Variants in MACROD2 observed in about 807,000 individuals in gnomAD.
MACROD2 encodes mono-ADP ribosylhydrolase 2, also known as ADP-ribose glycohydrolase MACROD2.
A neutral mutation model predicts 70.4 loss-of-function variants in MACROD2; 36 were observed. That is an observed-to-expected ratio of 0.51 (90% CI 0.39 to 0.68). The LOEUF (loss-of-function observed/expected upper bound fraction) is 0.68, where lower values mean the gene tolerates loss of function less well. Ranked by LOEUF, MACROD2 falls within the 30% of genes least tolerant of loss-of-function variation. The probability of loss-of-function intolerance (pLI) is 0.00; values close to 1 mark genes in which losing one functional copy is unlikely to be tolerated. For missense variants in MACROD2, 496 were observed against 538.4 expected (o/e 0.92, Z 0.78); for synonymous variants, 172 against 178.8 (o/e 0.96, Z 0.30).
chr20:14,486,517 T>TTC, intron 3 of MACROD2, among the ~76,000 whole-genome samples: 1 of 138,856 alleles, frequency 7.2e-6, no homozygotes, highest in East Asian at 2.1e-4. Context: ...AGCCAACTTT[T>TTC]TATTTTATTT....
chr20:15,980,825 A>C (rs2066387310), intron 13 of MACROD2, among the ~76,000 whole-genome samples: 1 of 152,114 alleles, frequency 6.6e-6, no homozygotes, highest in Admixed American at 6.5e-5. Context: ...TTCTTATCTG[A>C]GTTTTTTGCC....
At chr20:15,118,746 C>T (rs1056880707) in intron 5 of MACROD2, among the ~76,000 whole-genome samples, 1 of 152,124 alleles carries the variant, frequency 6.6e-6, no homozygotes, top group Non-Finnish European at 1.5e-5. Context: ...TTCTGAGGGA[C>T]TATGGTGTGC....
At chr20:14,679,978 G>A (rs1393252507) in intron 4 of MACROD2, among the ~76,000 whole-genome samples, 1 of 152,174 alleles carries the variant, frequency 6.6e-6, no homozygotes, top group Non-Finnish European at 1.5e-5. Context: ...GTGACATAAG[G>A]AACCACACTG....
chr20:15,691,561 C>G (rs1424696739), intron 8 of MACROD2, among the ~76,000 whole-genome samples: 1 of 152,118 alleles, frequency 6.6e-6, no homozygotes, highest in African/African-American at 2.4e-5. Context: ...TATAGCAGTC[C>G]TGTGGCTCAT....
At chr20:15,830,382 C>A (rs971646891) in intron 8 of MACROD2, among the ~76,000 whole-genome samples, 8 of 152,194 alleles carry the variant, frequency 5.3e-5, no homozygotes, top group Admixed American at 5.2e-4. Context: ...ATAAAGCTTT[C>A]TAAATATCTA....
At chr20:15,736,502 G>T in intron 8 of MACROD2, among the ~76,000 whole-genome samples, 1 of 152,122 alleles carries the variant, frequency 6.6e-6, no homozygotes, top group Non-Finnish European at 1.5e-5. Context: ...GCAGCATCTT[G>T]GGAGTAGGAC....
At chr20:15,123,784 A>G (rs1474949513) in intron 5 of MACROD2, among the ~76,000 whole-genome samples, 3 of 152,202 alleles carry the variant, frequency 2.0e-5, no homozygotes, top group Non-Finnish European at 2.9e-5. Flanking sequence ...TTTCTAATCA[A>G]TGCTTGGCAT....
chr20:14,757,502 C>A, intron 5 of MACROD2: 1 of 581,468 alleles, frequency 1.7e-6, no homozygotes. Context: ...AAATAGATCC[C>A]ATATGTCTCT....
intron 10 of MACROD2, among the ~76,000 whole-genome samples, chr20:15,886,540 C>G (rs557254887): frequency 2.6e-5 from 4 of 152,192 alleles, no homozygotes; most frequent in African/African-American, 7.2e-5. Context: ...ATTGCTGTGG[C>G]CATCTTTGGA....
intron 2 of MACROD2, chr20:14,003,417 T>C (rs755821394): frequency 1.2e-5 from 2 of 168,546 alleles, no homozygotes; most frequent in African/African-American, 2.4e-5. Flanking sequence ...ACGTGTGACC[T>C]TGGGCAAGCG....
chr20:15,515,223 A>G (rs2047551629), intron 8 of MACROD2, among the ~76,000 whole-genome samples: 1 of 152,246 alleles, frequency 6.6e-6, no homozygotes, highest in Non-Finnish European at 1.5e-5. Context: ...CTAGAGCTGA[A>G]TAGTCATTTG....
rs185273271 is a variant in MACROD2 at position 15,104,518 on chromosome 20, G to T, written c.419-125422G>T. On this transcript the variant is annotated intron_variant, in intron 5 of 17. Transcript: ENST00000684519. ...AAAAAGATGGAATGGAAAGAAGATTGCCATCAAGGGCATACAAAATGACTG... is the reference window on the plus strand; with the variant it reads ...AAAAAGATGGAATGGAAAGAAGATTTCCATCAAGGGCATACAAAATGACTG... Among the ~76,000 whole-genome samples, 285 of 152,276 alleles carry T rather than the reference G, an allele frequency of 1.9e-3. 4 individuals are homozygous for T. Among genetic ancestry groups the T allele is most frequent in the Admixed American group, 0.017 (258 of 15,288 alleles).
At chr20:14,356,183 A>G (rs204623) in intron 3 of MACROD2, among the ~76,000 whole-genome samples, 1,879 of 152,300 alleles carry the variant, frequency 0.012, 39 homozygotes, top group African/African-American at 0.043. Flanking sequence ...GTGTTTCCAT[A>G]TATGAATTGG....
At chr20:14,773,396 T>C (rs6034038) in intron 5 of MACROD2, among the ~76,000 whole-genome samples, 4,462 of 152,118 alleles carry the variant, frequency 0.029, 182 homozygotes, top group East Asian at 0.11. Flanking sequence ...TCCCAGCCCC[T>C]GGTAACCACC....
chr20:15,076,863 A>G (rs2123120058), intron 5 of MACROD2, among the ~76,000 whole-genome samples: 1 of 152,318 alleles, frequency 6.6e-6, no homozygotes, highest in East Asian at 1.9e-4. Context: ...CAAAGAGTAA[A>G]TGAATGAATT....
chr20:14,361,637 G>T (rs549683259), intron 3 of MACROD2, among the ~76,000 whole-genome samples: 2 of 152,276 alleles, frequency 1.3e-5, no homozygotes, highest in South Asian at 4.1e-4. Flanking sequence ...TGTAATGCAT[G>T]TCACTCCAAT....
At chr20:14,763,033 A>G (rs899234559) in intron 5 of MACROD2, among the ~76,000 whole-genome samples, 1 of 152,102 alleles carries the variant, frequency 6.6e-6, no homozygotes, top group African/African-American at 2.4e-5. Context: ...GGAAAATAAC[A>G]GAGAACAGAG....
intron 6 of MACROD2, among the ~76,000 whole-genome samples, chr20:15,374,516 T>C (rs1435887456): frequency 1.3e-5 from 2 of 152,128 alleles, no homozygotes; most frequent in African/African-American, 4.8e-5. Context: ...ATAAGATTCA[T>C]TTGAAGAAGA....
intron 11 of MACROD2, among the ~76,000 whole-genome samples, chr20:15,935,868 A>G (rs1044114718): frequency 1.3e-5 from 2 of 152,214 alleles, no homozygotes; most frequent in African/African-American, 2.4e-5. Flanking sequence ...ATAAGGAAAC[A>G]TAGAAGGAAT....
Sources: gnomAD v4.1 joint callset for allele counts (sites outside exome capture counted in the v4.1 genomes callset) on GRCh38, gnomAD v4.1.1 for gene constraint, MANE v1.5 for transcripts, NCBI Gene and HGNC (gene_info 2026-07-23, HGNC 2026-07-21) for gene names.